Variants in MICU1 observed in about 807,000 individuals in gnomAD.
The protein encoded by MICU1 is calcium uptake protein 1, mitochondrial.
In MICU1, 45 loss-of-function variants were observed where a neutral mutation model predicts 56.8. The observed-to-expected ratio is 0.79, with a 90% CI of 0.62 to 1.02. The LOEUF (loss-of-function observed/expected upper bound fraction) is 1.02. Among genes scored for constraint, MICU1 ranks in the 50% least tolerant of loss-of-function variants. The pLI is 0.00. For synonymous variants in MICU1, 186 were observed against 195.1 expected, an observed-to-expected ratio of 0.95 and a Z score of 0.39; for missense variants, 504 against 587.1, an observed-to-expected ratio of 0.86 and a Z score of 1.46.
At chr10:72,433,773 A>G (rs946820584) in intron 8 of MICU1, among the ~76,000 whole-genome samples, 1 of 152,212 alleles carries the variant, frequency 6.6e-6, no homozygotes, top group East Asian at 1.9e-4. Context: ...ATCTTTCCTC[A>G]TTAGATAAGA....
chr10:72,567,897 AC>A (rs2132478070), intron 1 of MICU1, among the ~76,000 whole-genome samples: 1 of 152,310 alleles, frequency 6.6e-6, no homozygotes, highest in African/African-American at 2.4e-5. Context: ...AGTATCACAA[AC>A]GGGACAATGA....
intron 10 of MICU1, among the ~76,000 whole-genome samples, chr10:72,385,782 T>C (rs1252701717): frequency 6.6e-6 from 1 of 152,082 alleles, no homozygotes; most frequent in Non-Finnish European, 1.5e-5. Context: ...TTACTGTATA[T>C]GAGAAAGGTG....
chr10:72,447,874 G>C (rs1287110058), intron 8 of MICU1, among the ~76,000 whole-genome samples: 1 of 152,022 alleles, frequency 6.6e-6, no homozygotes, highest in Non-Finnish European at 1.5e-5. Context: ...AAATTATGAA[G>C]TTGCATATTC....
At chr10:72,612,478 T>A (rs1416925428) in intron 1 of MICU1, among the ~76,000 whole-genome samples, 1 of 152,166 alleles carries the variant, frequency 6.6e-6, no homozygotes, top group Non-Finnish European at 1.5e-5. Context: ...TGCCAAGGCT[T>A]TGACAGTCAA....
intron 1 of MICU1, among the ~76,000 whole-genome samples, chr10:72,619,812 G>A (rs1218676442): frequency 6.6e-6 from 1 of 152,140 alleles, no homozygotes; most frequent in Non-Finnish European, 1.5e-5. Context: ...GCAGAACGGT[G>A]GAGAGGCATT....
At chr10:72,484,927 A>G (rs1325568318) in intron 6 of MICU1, among the ~76,000 whole-genome samples, 3 of 110,804 alleles carry the variant, frequency 2.7e-5, no homozygotes, top group Non-Finnish European at 8.0e-5. Flanking sequence ...TTGGTAAACT[A>G]TGGTTGGTAA....
chr10:72,453,814 A>C (rs1390342735), intron 8 of MICU1, among the ~76,000 whole-genome samples: 1 of 151,376 alleles, frequency 6.6e-6, no homozygotes, highest in African/African-American at 2.4e-5. Context: ...TACAGGCGTG[A>C]GCCACCGCGC....
intron 1 of MICU1, among the ~76,000 whole-genome samples, chr10:72,612,609 C>T (rs1841880059): frequency 6.6e-6 from 1 of 152,004 alleles, no homozygotes; most frequent in Non-Finnish European, 1.5e-5. Context: ...CCACTCTGGG[C>T]AAGATAGCAA....
At chr10:72,512,371 T>C (rs1238136914) in intron 5 of MICU1, among the ~76,000 whole-genome samples, 1 of 152,108 alleles carries the variant, frequency 6.6e-6, no homozygotes, top group Non-Finnish European at 1.5e-5. Context: ...CCTCTCAAAG[T>C]GCTGGGATTA....
intron 1 of MICU1, among the ~76,000 whole-genome samples, chr10:72,616,286 T>C (rs1170231026): frequency 2.6e-5 from 4 of 152,196 alleles, no homozygotes; most frequent in African/African-American, 4.8e-5. Flanking sequence ...ATTAAATTAG[T>C]AGGGAACAGT....
intron 8 of MICU1, chr10:72,473,397 A>G (rs7079960): frequency 0.65 from 98,360 of 151,928 alleles, 32,996 homozygotes; most frequent in African/African-American, 0.77. Context: ...TTTGCACTGC[A>G]TTGTTTATCA....
chr10:72,497,748 G>A (rs1280078204), intron 6 of MICU1, among the ~76,000 whole-genome samples: 1 of 152,154 alleles, frequency 6.6e-6, no homozygotes, highest in Non-Finnish European at 1.5e-5. Context: ...TGGCAGAAAG[G>A]CCCACTGAGG....
At chr10:72,444,381 G>T (rs192228659) in intron 8 of MICU1, among the ~76,000 whole-genome samples, 52 of 145,678 alleles carry the variant, frequency 3.6e-4, no homozygotes, top group East Asian at 1.6e-3. Context: ...ATAATAATAA[G>T]AAGAAAAAAA....
chr10:72,498,058 C>A (rs527379121), intron 6 of MICU1, among the ~76,000 whole-genome samples: 1 of 152,144 alleles, frequency 6.6e-6, no homozygotes, highest in Non-Finnish European at 1.5e-5. Flanking sequence ...TTATGGGACA[C>A]CATCATTCAT....
intron 6 of MICU1, among the ~76,000 whole-genome samples, chr10:72,500,552 C>T (rs1293983569): frequency 1.3e-5 from 2 of 151,628 alleles, no homozygotes; most frequent in Non-Finnish European, 2.9e-5. Flanking sequence ...CAACTCCTGA[C>T]CTCGAATGAT....
At chr10:72,609,947 T>C (rs1321658265) in intron 1 of MICU1, among the ~76,000 whole-genome samples, 1 of 148,176 alleles carries the variant, frequency 6.7e-6, no homozygotes, top group Non-Finnish European at 1.5e-5. Flanking sequence ...AGGCAGAGAG[T>C]TGCTTAAACC....
At chr10:72,577,544 C>T (rs191069543) in intron 1 of MICU1, among the ~76,000 whole-genome samples, 110 of 151,618 alleles carry the variant, frequency 7.3e-4, no homozygotes, top group African/African-American at 2.6e-3. Flanking sequence ...GCCATACCAC[C>T]CTGAAAGCAC....
chr10:72,491,756 A>G (rs997978829), intron 6 of MICU1, among the ~76,000 whole-genome samples: 3 of 152,198 alleles, frequency 2.0e-5, no homozygotes, highest in Non-Finnish European at 4.4e-5. Context: ...ACTCTAAATC[A>G]CTATGTTTCT....
chr10:72,512,030 T>G (rs1867468541), intron 5 of MICU1, among the ~76,000 whole-genome samples: 1 of 151,818 alleles, frequency 6.6e-6, no homozygotes, highest in Non-Finnish European at 1.5e-5. Context: ...AAGTTGACAT[T>G]TAAAATTACT....
Sources: gnomAD v4.1 joint callset for allele counts (sites outside exome capture counted in the v4.1 genomes callset) on GRCh38, gnomAD v4.1.1 for gene constraint, MANE v1.5 for transcripts, NCBI Gene and HGNC (gene_info 2026-07-23, HGNC 2026-07-21) for gene names.